TRIO: variants seen among roughly 807,000 people sequenced by gnomAD.
TRIO encodes triple functional domain protein.
In TRIO, 58 loss-of-function variants were observed where a neutral mutation model predicts 351.9. The ratio of observed to expected loss-of-function variants is 0.16; its 90% CI spans 0.13 to 0.21. The LOEUF (loss-of-function observed/expected upper bound fraction) is 0.21. TRIO is among the 10% of genes least tolerant of loss of function. TRIO has a pLI of 1.00. For missense variants in TRIO, 3,201 were observed against 4,027.8 expected, an observed-to-expected ratio of 0.79 and a Z score of 5.56; for synonymous variants, 1,758 against 1,595.7, an observed-to-expected ratio of 1.10 and a Z score of -2.42.
At chr5:14,331,697 GT>G (rs1740918692) in intron 10 of TRIO, among the ~76,000 whole-genome samples, 1 of 152,070 alleles carries the variant, frequency 6.6e-6, no homozygotes, top group Non-Finnish European at 1.5e-5. Flanking sequence ...TTCAGAATTT[GT>G]TTTAGACACG....
chr5:14,355,204 A>G (rs1423963740), intron 11 of TRIO, among the ~76,000 whole-genome samples: 1 of 152,196 alleles, frequency 6.6e-6, no homozygotes, highest in Non-Finnish European at 1.5e-5. Flanking sequence ...AATGTCATGG[A>G]TGTTTTTGAT....
intron 2 of TRIO, among the ~76,000 whole-genome samples, chr5:14,277,430 A>G (rs572512014): frequency 1.3e-5 from 2 of 152,230 alleles, no homozygotes; most frequent in Non-Finnish European, 2.9e-5. Context: ...AAAAGCTTCC[A>G]TACATAGACA....
At chr5:14,215,339 C>T (rs1423041601) in intron 1 of TRIO, among the ~76,000 whole-genome samples, 3 of 152,156 alleles carry the variant, frequency 2.0e-5, no homozygotes, top group African/African-American at 7.2e-5. Flanking sequence ...TTCGTGTCTG[C>T]CAATGCACAC....
rs75134799 is a variant in TRIO at position 14,473,754 on chromosome 5, G to A, written c.5980-240G>A. On this transcript the variant is annotated intron_variant, in intron 39 of 56. Coordinates refer to ENST00000344204, the MANE Select transcript of TRIO (RefSeq NM_007118.4). ...TTCTTTAATTCCTTAGAAGATTTTT[G>A]ATCTGTGAATGCTGAACAGTCCAGG... is the stretch of plus-strand genomic sequence containing the variant. Among the ~76,000 whole-genome samples the A allele has an allele frequency of 9.7e-4, 147 of 152,210 alleles. 4 individuals carry two copies. In the East Asian group the frequency reaches 0.021, roughly 22 times the overall value.
chr5:14,207,463 TACACAC>T (rs70964545), intron 1 of TRIO, among the ~76,000 whole-genome samples: 17 of 23,138 alleles, frequency 7.3e-4, no homozygotes, highest in East Asian at 1.9e-3. Flanking sequence ...ACTGTCTCTC[TACACAC>T]ACACACACAC....
chr5:14,408,960 G>T (rs1748951214), intron 33 of TRIO, among the ~76,000 whole-genome samples: 1 of 152,044 alleles, frequency 6.6e-6, no homozygotes, highest in Non-Finnish European at 1.5e-5. Context: ...TTGGAAGTTG[G>T]TCTAAGAGGC....
intron 17 of TRIO, 136 bp downstream of exon 17, chr5:14,369,035 T>C: frequency 9.0e-7 from 1 of 1,111,214 alleles, no homozygotes; most frequent in Non-Finnish European, 1.3e-6. Flanking sequence ...GAAAAGGCAT[T>C]CTGGAGTTAA....
At chr5:14,371,619 A>AT (rs1156638254) in intron 18 of TRIO, among the ~76,000 whole-genome samples, 7 of 151,498 alleles carry the variant, frequency 4.6e-5, no homozygotes, top group Non-Finnish European at 1.0e-4. Context: ...CATTGTTAAA[A>AT]TTTTTTTGAT....
At chr5:14,257,215 C>A (rs996462532) in intron 1 of TRIO, among the ~76,000 whole-genome samples, 2 of 152,224 alleles carry the variant, frequency 1.3e-5, no homozygotes, top group African/African-American at 2.4e-5. Context: ...ACCAGACAGG[C>A]TCCTGCAGGC....
intron 20 of TRIO, among the ~76,000 whole-genome samples, chr5:14,378,640 A>T (rs1579477158): frequency 6.6e-6 from 1 of 151,714 alleles, no homozygotes; most frequent in Non-Finnish European, 1.5e-5. Context: ...GCTTACTGCA[A>T]CCTCTGTCTC....
At chr5:14,310,272 C>A (rs1738801758) in intron 8 of TRIO, among the ~76,000 whole-genome samples, 2 of 152,210 alleles carry the variant, frequency 1.3e-5, no homozygotes, top group African/African-American at 4.8e-5. Flanking sequence ...CCTCACAAGC[C>A]TCAATGCCAG....
intron 1 of TRIO, 51 bp downstream of exon 1, chr5:14,143,933 G>A (rs985766315): frequency 3.8e-5 from 39 of 1,034,944 alleles, no homozygotes; most frequent in Admixed American, 2.8e-4. Context: ...CAAGCGCTCG[G>A]CCGACCCGCC....
chr5:14,253,259 GGTAT>G (rs1176342066), intron 1 of TRIO, among the ~76,000 whole-genome samples: 2 of 152,150 alleles, frequency 1.3e-5, no homozygotes, highest in Non-Finnish European at 2.9e-5. Context: ...CCTATTTAGG[GGTAT>G]GTGTCACTGC....
intron 18 of TRIO, among the ~76,000 whole-genome samples, chr5:14,373,933 C>T (rs545612079): frequency 2.8e-4 from 43 of 152,310 alleles, no homozygotes; most frequent in African/African-American, 9.6e-4. Flanking sequence ...CTAGACTGGA[C>T]GGAGACAGGG....
At chr5:14,506,092 G>A (rs906555373) in intron 55 of TRIO, among the ~76,000 whole-genome samples, 7 of 152,308 alleles carry the variant, frequency 4.6e-5, no homozygotes, top group African/African-American at 1.7e-4. Flanking sequence ...TCAGGACCCG[G>A]GAGGTCTCCT....
chr5:14,359,616 G>T (rs1196656360), intron 13 of TRIO, 85 bp downstream of exon 13: 10 of 1,501,120 alleles, frequency 6.7e-6, no homozygotes, highest in African/African-American at 1.4e-5. Context: ...TCTCTGCCCT[G>T]CTGAGGTCCT....
intron 13 of TRIO, 130 bp downstream of exon 13, chr5:14,359,661 G>A (rs1346705995): frequency 1.8e-6 from 2 of 1,136,980 alleles, no homozygotes; most frequent in African/African-American, 3.1e-5. Flanking sequence ...TCTGCACCAG[G>A]AGGGGGTGTG....
intron 1 of TRIO, among the ~76,000 whole-genome samples, chr5:14,182,451 A>C (rs1789846358): frequency 6.6e-6 from 1 of 152,206 alleles, no homozygotes; most frequent in Non-Finnish European, 1.5e-5. Flanking sequence ...AGTTTTAGAA[A>C]TGATTGCCTT....
chr5:14,333,952 A>G (rs950018677), intron 10 of TRIO, among the ~76,000 whole-genome samples: 1 of 152,074 alleles, frequency 6.6e-6, no homozygotes, highest in Non-Finnish European at 1.5e-5. Context: ...AGTCTCTCAG[A>G]CTCTCAAATG....
Sources: gnomAD v4.1 joint callset for allele counts (sites outside exome capture counted in the v4.1 genomes callset) on GRCh38, gnomAD v4.1.1 for gene constraint, MANE v1.5 for transcripts, NCBI Gene and HGNC (gene_info 2026-07-23, HGNC 2026-07-21) for gene names.